The following IL15RA variants were observed in gnomAD, a reference collection of about 807,000 sequenced individuals.
IL15RA encodes the protein interleukin-15 receptor subunit alpha.
Under a neutral mutation model 24.2 loss-of-function variants are expected in IL15RA, and 26 were observed. That is an observed-to-expected ratio of 1.07 (90% CI 0.79 to 1.49). The LOEUF is 1.49. IL15RA is among the 40% of genes most tolerant of loss of function. IL15RA has a pLI of 0.00. For synonymous variants in IL15RA, 166 were observed against 157.6 expected (o/e 1.05, Z -0.40); for missense variants, 354 against 356.4 (o/e 0.99, Z 0.05).
chr10:5,970,573 G>C lies in IL15RA; in HGVS notation c.89-4234C>G, dbSNP rs1427181194. ...ATAAATCTGTGAATAGTTAATGTTT[G>C]AATGTACAAGGATATCAATGTACTA... On this transcript the variant is annotated intron_variant, in intron 1 of 6. Transcript: ENST00000379977. The surrounding 1 kb of genome is among the most constrained non-coding windows in gnomAD (Gnocchi z 4.1). Among the ~76,000 whole-genome samples the C allele has an allele frequency of 6.6e-6, 1 of 152,100 alleles. No individual in the cohort carries two copies. Among genetic ancestry groups the C allele is most frequent in the Non-Finnish European group, 1.5e-5 (1 of 68,028 alleles).
rs1178013384 is a variant in IL15RA, at chr10:5,961,762, A to G, written c.383-1195T>C. On this transcript the variant is annotated intron_variant, in intron 3 of 6. Transcript: ENST00000379977. This position sits in a 1 kb window ranked among gnomAD's most constrained non-coding sequence, Gnocchi z 5.2. Reference sequence around the variant, plus strand: ...CCTCTCCATGAAAAATGTGTCTTCCATTGTGACAGCCACGGAATCTAGGAA... The same window carrying G: ...CCTCTCCATGAAAAATGTGTCTTCCGTTGTGACAGCCACGGAATCTAGGAA... 1.3e-5 allele frequency among the ~76,000 whole-genome samples: 2 copies of G among 152,234 alleles called. No homozygotes were observed. The highest frequency in any genetic ancestry group is 4.8e-5 in the African/African-American group (2 of 41,462).
Position 5,973,800 on chromosome 10 carries a change from CAACAT to C in IL15RA, c.88+3600_88+3604del, listed in dbSNP as rs1360026485. ...GATATGACACCAAAAGCCCAAAACA[CAACAT>C]AACAAATTAATAAATTAGACTTCAT... On this transcript the variant is annotated intron_variant, in intron 1 of 6. Coordinates refer to ENST00000379977, the MANE Select transcript of IL15RA (RefSeq NM_002189.4). The surrounding 1 kb of genome is among the most constrained non-coding windows in gnomAD (Gnocchi z 4.5). 6.6e-6 allele frequency among the ~76,000 whole-genome samples: 1 copy of C among 152,086 alleles called. No homozygotes were observed. Among genetic ancestry groups the C allele is most frequent in the Admixed American group, 6.6e-5 (1 of 15,266 alleles).
At chr10:5,977,880 T>G, upstream of IL15RA, 2 of 354,210 alleles carry the variant, frequency 5.6e-6, no homozygotes, top group Admixed American at 9.4e-5. Flanking sequence ...GTGGGCAAAG[T>G]CATCGGAGAG....
At chr10:5,956,607 C>G (rs953413769) in intron 5 of IL15RA, among the ~76,000 whole-genome samples, 153 bp from the exon 6 acceptor site, 1 of 152,216 alleles carries the variant, frequency 6.6e-6, no homozygotes, top group Non-Finnish European at 1.5e-5. Flanking sequence ...GCAATTCCCC[C>G]GATTCTATGT....
downstream of IL15RA, chr10:5,952,326 T>C (rs1252256851): frequency 2.0e-5 from 3 of 152,694 alleles, no homozygotes; most frequent in Non-Finnish European, 4.4e-5. Flanking sequence ...TTCCTACTCT[T>C]TCTCCTCCTT....
chr10:5,953,294 G>A lies in IL15RA; in HGVS notation c.693-88C>T, dbSNP rs540217332. 27 of 931,846 alleles carry A rather than the reference G, an allele frequency of 2.9e-5. 1 individual carries two copies. The highest frequency in any genetic ancestry group is 2.1e-4 in the Admixed American group (11 of 53,278). The allele number at this position is 931,846 out of a possible 1,614,324, so 57.7% of individuals were successfully genotyped here. On this transcript the variant is annotated intron_variant, in intron 6 of 6. Coordinates refer to ENST00000379977, the MANE Select transcript of IL15RA (RefSeq NM_002189.4). This position sits in a 1 kb window ranked among gnomAD's most constrained non-coding sequence, Gnocchi z 5.3. ...GCTTCCCACTGAGCATGTATGTCCA[G>A]CACTGCGGGGATGGCAGGAGCAGAC...
At position 5,971,045 on chromosome 10, in the gene IL15RA, A is replaced by T. The variant is rs1837528592; in HGVS notation, c.89-4706T>A. On this transcript the variant is annotated intron_variant, in intron 1 of 6. Transcript: ENST00000379977. The surrounding 1 kb of genome is among the most constrained non-coding windows in gnomAD (Gnocchi z 5.5). ...ATTGAAGCAATAACTTCATTTCCAC[A>T]TGCCTTAATCACATCTTTAGATACT... 6.6e-6 allele frequency among the ~76,000 whole-genome samples: 1 copy of T among 152,164 alleles called. No individual in the cohort carries two copies. The highest frequency in any genetic ancestry group is 2.4e-5 in the African/African-American group (1 of 41,436).
chr10:5,976,432 T>C (rs1162973791), intron 1 of IL15RA, among the ~76,000 whole-genome samples: 1 of 152,106 alleles, frequency 6.6e-6, no homozygotes, highest in African/African-American at 2.4e-5. Flanking sequence ...CGTTACTAAT[T>C]CCTATAGAGA....
Position 5,966,087 on chromosome 10 carries a change from CTG to C in IL15RA, c.283+56_283+57del, listed in dbSNP as rs1210463316. Reference sequence around the variant, plus strand: ...TGACCCCTGAGATGGGGTCTTCTCTCTGTGCAGCCTTGGCAGGGTGGGGGAGG... The same window carrying C: ...TGACCCCTGAGATGGGGTCTTCTCTCTGCAGCCTTGGCAGGGTGGGGGAGG... On this transcript the variant is annotated intron_variant, in intron 2 of 6. Coordinates refer to ENST00000379977, the MANE Select transcript of IL15RA (RefSeq NM_002189.4). This position sits in a 1 kb window ranked among gnomAD's most constrained non-coding sequence, Gnocchi z 6.4. 4 of 1,235,608 alleles carry C rather than the reference CTG, an allele frequency of 3.2e-6. No homozygotes were observed. In the Admixed American group the frequency reaches 5.3e-5, roughly 16 times the overall value. The allele number at this position is 1,235,608 out of a possible 1,614,324, so 76.5% of individuals were successfully genotyped here.
Position 5,959,771 on chromosome 10 carries a change from CCCTGTGGATACACA to C in IL15RA, c.585_598del (p.Val196ProfsTer40). The C allele has an allele frequency of 1.9e-6, 3 of 1,613,842 alleles. No individual in the cohort carries two copies. The highest frequency in any genetic ancestry group is 2.5e-6 in the Non-Finnish European group (3 of 1,179,958). ...ACACTTACCAGTGGTGTCGCTGTGG[CCCTGTGGATACACA>C]CCTGCGGAAAAGAGAGGACAGCATC... is the stretch of plus-strand genomic sequence containing the variant. On this transcript the variant is annotated frameshift_variant and splice_region_variant, in exon 5 of 7. Transcript: ENST00000379977. LOFTEE classifies it high-confidence loss of function. This position sits in a 1 kb window ranked among gnomAD's most constrained non-coding sequence, Gnocchi z 4.1.
rs1248150800 is a variant in IL15RA, at chr10:5,962,584, C to G, written c.382+1159G>C. Among the ~76,000 whole-genome samples the G allele has an allele frequency of 3.5e-5, 5 of 143,408 alleles. No homozygotes were observed. Among genetic ancestry groups the G allele is most frequent in the African/African-American group, 1.3e-4 (5 of 37,090 alleles). 94.1% of individuals were successfully genotyped at this position (143,408 alleles called of 152,430 possible). On this transcript the variant is annotated intron_variant, in intron 3 of 6. Coordinates refer to ENST00000379977, the MANE Select transcript of IL15RA (RefSeq NM_002189.4). The surrounding 1 kb of genome is among the most constrained non-coding windows in gnomAD (Gnocchi z 5.2). ...TCCAGACTGGGCAATAGAGCAAGAC[C>G]CCATCTCAAAAAAAAAAAAAAAAAA...
intron 5 of IL15RA, 52 bp from the exon 6 acceptor site, chr10:5,956,506 G>A (rs1215893252): frequency 7.4e-6 from 10 of 1,358,116 alleles, no homozygotes; most frequent in Middle Eastern, 1.8e-4. Context: ...TCATTGCTAC[G>A]AACCACAAAT....
chr10:5,977,643 A>G, upstream of IL15RA: 1 of 1,253,770 alleles, frequency 8.0e-7, no homozygotes, highest in South Asian at 3.2e-5. Context: ...GAGAGGTGCA[A>G]AGCGGTGACA....
upstream of IL15RA, chr10:5,977,646 C>T (rs1838677014): frequency 8.0e-7 from 1 of 1,253,414 alleles, no homozygotes; most frequent in Non-Finnish European, 1.0e-6. Flanking sequence ...AGGTGCAAAG[C>T]GGTGACAGAT....
At position 5,959,623 on chromosome 10, in the gene IL15RA, A is replaced by T; in HGVS notation, c.616+131T>A. 1.3e-6 allele frequency: 1 copy of T among 748,620 alleles called. No individual in the cohort carries two copies. The highest frequency in any genetic ancestry group is 2.5e-5 in the East Asian group (1 of 39,526). The allele number at this position is 748,620 out of a possible 1,614,324, so 46.4% of individuals were successfully genotyped here. ...TATTACTTAACTTATTATCTGATGG[A>T]GGCCTTCTGAGTGTGGAAGGGGCTG... On this transcript the variant is annotated intron_variant, in intron 5 of 6. Coordinates refer to ENST00000379977, the MANE Select transcript of IL15RA (RefSeq NM_002189.4). This position sits in a 1 kb window ranked among gnomAD's most constrained non-coding sequence, Gnocchi z 4.1.
In IL15RA at chr10:5,973,159, C is replaced by A. The variant is rs1042461459; in HGVS notation, c.88+4246G>T. 6.6e-6 allele frequency among the ~76,000 whole-genome samples: 1 copy of A among 152,192 alleles called. No individual in the cohort carries two copies. The highest frequency in any genetic ancestry group is 2.4e-5 in the African/African-American group (1 of 41,448). On this transcript the variant is annotated intron_variant, in intron 1 of 6. Coordinates refer to ENST00000379977, the MANE Select transcript of IL15RA (RefSeq NM_002189.4). The surrounding 1 kb of genome is among the most constrained non-coding windows in gnomAD (Gnocchi z 4.5). Reference sequence around the variant, plus strand: ...CCTTCTACCCAACATAATGGACGCCCCTGCACATCAGGCCTTTTAAATAAG... The same window carrying A: ...CCTTCTACCCAACATAATGGACGCCACTGCACATCAGGCCTTTTAAATAAG...
intron 1 of IL15RA, among the ~76,000 whole-genome samples, chr10:5,976,593 G>A (rs974263961): frequency 2.6e-5 from 4 of 152,058 alleles, no homozygotes; most frequent in African/African-American, 9.7e-5. Context: ...ATAAAGAAGC[G>A]CTGACAAGGA....
rs770191515 is a variant in IL15RA at position 5,966,200 on chromosome 10, C to T, written c.228G>A (p.Val76=). ...KAGTSSLTEC[V]LNKATNVAHW... is the part of the protein sequence containing the mutation. ...GGGCGACATTCGTGGCCTTGTTCAA[C>T]ACGCACTCCGTCAGGCTGGACGTGC... is the stretch of plus-strand genomic sequence containing the variant. Residue 76 remains valine, a synonymous_variant, in exon 2 of 7, where the codon GTG becomes GTA. Transcript: ENST00000379977. This position sits in a 1 kb window ranked among gnomAD's most constrained non-coding sequence, Gnocchi z 6.4. 1 of 1,613,878 alleles carries T rather than the reference C, an allele frequency of 6.2e-7. No homozygotes were observed. The highest frequency in any genetic ancestry group is 1.1e-5 in the South Asian group (1 of 91,082).
Position 5,973,996 on chromosome 10 carries a change from A to C in IL15RA, c.88+3409T>G, listed in dbSNP as rs960776177. 1.3e-5 allele frequency among the ~76,000 whole-genome samples: 2 copies of C among 151,860 alleles called. No homozygotes were observed. The highest frequency in any genetic ancestry group is 2.9e-5 in the Non-Finnish European group (2 of 67,974). ...TGATACAATTCAATTTTTTATACAT[A>C]AGACAGAGTCAGAAAAAAAAAAAAA... On this transcript the variant is annotated intron_variant, in intron 1 of 6. Transcript: ENST00000379977. This position sits in a 1 kb window ranked among gnomAD's most constrained non-coding sequence, Gnocchi z 4.5.
Sources: gnomAD v4.1 joint callset for allele counts (sites outside exome capture counted in the v4.1 genomes callset) on GRCh38, gnomAD v4.1.1 for gene constraint, Gnocchi (gnomAD v3.1) non-coding constraint, MANE v1.5 for transcripts, NCBI Gene and HGNC (gene_info 2026-07-23, HGNC 2026-07-21) for gene names.